DENND2A: variants seen among roughly 807,000 people sequenced by gnomAD.
The protein encoded by DENND2A is DENN domain-containing protein 2A.
A neutral mutation model predicts 105.3 loss-of-function variants in DENND2A; 53 were observed. The observed-to-expected ratio is 0.50, with a 90% confidence interval of 0.40 to 0.63. The LOEUF (loss-of-function observed/expected upper bound fraction) is 0.63, where lower values mean the gene tolerates loss of function less well. Ranked by LOEUF, DENND2A falls within the 30% of genes least tolerant of loss-of-function variation. DENND2A has a pLI of 0.00. For missense variants in DENND2A, 1,138 were observed against 1,279.6 expected, an observed-to-expected ratio of 0.89 and a Z score of 1.69; for synonymous variants, 522 against 508.4, an observed-to-expected ratio of 1.03 and a Z score of -0.36.
chr7:140,542,050 G>A (rs1203214774), intron 14 of DENND2A, among the ~76,000 whole-genome samples: 1 of 151,980 alleles, frequency 6.6e-6, no homozygotes, highest in African/African-American at 2.4e-5. Context: ...CAGTGCTTCA[G>A]GTTTTTTTTT....
intron 12 of DENND2A, among the ~76,000 whole-genome samples, chr7:140,552,540 T>G (rs552483863): frequency 6.6e-6 from 1 of 151,936 alleles, no homozygotes; most frequent in Non-Finnish European, 1.5e-5. Flanking sequence ...GAACTACAGG[T>G]GCACACTACC....
intron 1 of DENND2A, among the ~76,000 whole-genome samples, chr7:140,625,860 C>CG (rs1800504497): frequency 1.3e-5 from 2 of 152,130 alleles, no homozygotes; most frequent in Non-Finnish European, 2.9e-5. Context: ...GTTATTTATA[C>CG]ATTTTTTATT....
chr7:140,563,232 C>T (rs944736271), intron 9 of DENND2A, among the ~76,000 whole-genome samples: 6 of 152,236 alleles, frequency 3.9e-5, no homozygotes, highest in African/African-American at 9.6e-5. Flanking sequence ...TACTTGCATG[C>T]ACCCACCCCA....
intron 5 of DENND2A, among the ~76,000 whole-genome samples, chr7:140,580,235 A>C (rs1798482543): frequency 6.6e-6 from 1 of 152,226 alleles, no homozygotes; most frequent in South Asian, 2.1e-4. Context: ...CTTATTCTTT[A>C]TCATGTAACC....
intron 3 of DENND2A, among the ~76,000 whole-genome samples, chr7:140,600,552 T>G (rs993425228): frequency 6.6e-6 from 1 of 152,026 alleles, no homozygotes; most frequent in African/African-American, 2.4e-5. Flanking sequence ...AGTCAACAGG[T>G]GTTCCTCGAA....
At chr7:140,567,722 CT>C (rs1050782859) in intron 8 of DENND2A, among the ~76,000 whole-genome samples, 48 of 152,258 alleles carry the variant, frequency 3.2e-4, no homozygotes, top group African/African-American at 9.9e-4. Flanking sequence ...GACTATAGGG[CT>C]TTTGGAGCTG....
intron 2 of DENND2A, among the ~76,000 whole-genome samples, chr7:140,604,336 G>A (rs1040963057): frequency 1.3e-5 from 2 of 152,218 alleles, no homozygotes; most frequent in South Asian, 4.1e-4. Context: ...AGAAACTTGC[G>A]AAAACGCAAA....
intron 5 of DENND2A, among the ~76,000 whole-genome samples, chr7:140,579,437 G>T (rs1309737339): frequency 6.6e-6 from 1 of 150,974 alleles, no homozygotes; most frequent in Non-Finnish European, 1.5e-5. Flanking sequence ...CTGTCACCCA[G>T]GCTGGAGTGC....
chr7:140,618,079 T>C (rs755008996), intron 1 of DENND2A, among the ~76,000 whole-genome samples: 2 of 152,206 alleles, frequency 1.3e-5, no homozygotes, highest in Non-Finnish European at 2.9e-5. Context: ...AACACTAAAT[T>C]ACAGTGTGTA....
intron 12 of DENND2A, among the ~76,000 whole-genome samples, chr7:140,549,901 A>C (rs1797052599): frequency 1.3e-5 from 2 of 152,352 alleles, no homozygotes; most frequent in East Asian, 1.9e-4. Context: ...AAATGGATAA[A>C]TAAAATGTTG....
intron 4 of DENND2A, 122 bp downstream of exon 4, chr7:140,587,531 T>G: frequency 1.5e-6 from 2 of 1,328,554 alleles, no homozygotes; most frequent in Non-Finnish European, 2.1e-6. Context: ...AGTGCACAGG[T>G]GTCTTCAAGT....
At chr7:140,546,668 C>A in intron 13 of DENND2A, 131 bp downstream of exon 13, 1 of 1,198,934 alleles carries the variant, frequency 8.3e-7, no homozygotes, top group Admixed American at 2.6e-5. Flanking sequence ...GTGATCTGGG[C>A]CAGCTCTAGG....
At position 140,601,969 on chromosome 7, in the gene DENND2A, T is replaced by G; in HGVS notation, c.429A>C (p.Arg143=). Residue 143 remains arginine, a synonymous_variant, in exon 3 of 20, where the codon CGA becomes CGC. Transcript: ENST00000496613. Reference sequence around the variant, plus strand: ...AGCGTAGCTTGCCAAGTCTTGGCTCTCGGCCTCGGCCCCAGCTAGGATCCA... The same window carrying G: ...AGCGTAGCTTGCCAAGTCTTGGCTCGCGGCCTCGGCCCCAGCTAGGATCCA... ...REVDPSWGRG[R]EPRLGKLRFQ... is the part of the protein sequence containing the mutation. 6.2e-7 allele frequency: 1 copy of G among 1,614,228 alleles called. No individual in the cohort carries two copies. The highest frequency in any genetic ancestry group is 8.5e-7 in the Non-Finnish European group (1 of 1,180,036).
intron 5 of DENND2A, among the ~76,000 whole-genome samples, chr7:140,577,586 C>T (rs909542546): frequency 4.5e-4 from 69 of 151,868 alleles, no homozygotes; most frequent in African/African-American, 1.6e-3. Flanking sequence ...TTAGTAGAGA[C>T]GGGGTTTTGC....
chr7:140,522,515 T>C (rs1038926557), intron 17 of DENND2A, among the ~76,000 whole-genome samples: 9 of 152,154 alleles, frequency 5.9e-5, no homozygotes, highest in African/African-American at 1.9e-4. Flanking sequence ...GGTTTCACCA[T>C]GTTGGCCAAG....
intron 1 of DENND2A, among the ~76,000 whole-genome samples, chr7:140,613,481 A>G (rs1799973612): frequency 6.6e-6 from 1 of 150,510 alleles, no homozygotes; most frequent in African/African-American, 2.5e-5. Flanking sequence ...CAGAGGTTGC[A>G]GCGAGCCGAG....
At chr7:140,570,037 G>C (rs1298990484) in intron 6 of DENND2A, among the ~76,000 whole-genome samples, 2 of 152,150 alleles carry the variant, frequency 1.3e-5, no homozygotes, top group African/African-American at 4.8e-5. Flanking sequence ...TGGGATTACA[G>C]GTACCCACCA....
intron 1 of DENND2A, among the ~76,000 whole-genome samples, chr7:140,638,470 C>T (rs1040420684): frequency 6.6e-6 from 1 of 152,150 alleles, no homozygotes; most frequent in East Asian, 1.9e-4. Flanking sequence ...GTAATTCTGG[C>T]CTGGGTGTTG....
chr7:140,572,308 C>T (rs1798124380), intron 6 of DENND2A, among the ~76,000 whole-genome samples: 1 of 151,972 alleles, frequency 6.6e-6, no homozygotes, highest in South Asian at 2.1e-4. Flanking sequence ...TGCCCAGCCT[C>T]CCTGGACTTT....
Sources: gnomAD v4.1 joint callset for allele counts (sites outside exome capture counted in the v4.1 genomes callset) on GRCh38, gnomAD v4.1.1 for gene constraint, MANE v1.5 for transcripts, NCBI Gene and HGNC (gene_info 2026-07-23, HGNC 2026-07-21) for gene names.